TIFAB: variants seen among roughly 807,000 people sequenced by gnomAD.
The protein encoded by TIFAB is TIFA inhibitor, also known as TRAF-interacting protein with FHA domain-containing protein B.
For missense variants in TIFAB, 222 were observed against 203.6 expected, an observed-to-expected ratio of 1.09 and a Z score of -0.55; for synonymous variants, 116 against 95.2, an observed-to-expected ratio of 1.22 and a Z score of -1.27.
chr5:135,446,706 T>C lies in TIFAB; in HGVS notation c.*2748A>G. On this transcript the variant is annotated 3_prime_UTR_variant, in exon 2 of 2. Transcript: ENST00000537858. ...ACTGTGAACGGGTAGAGTCTGAAAC[T>C]ACAAACCAGATGTTTCCGGGCTCCC... is the stretch of plus-strand genomic sequence containing the variant. The C allele has an allele frequency of 6.2e-7, 1 of 1,613,758 alleles. No individual in the cohort carries two copies. The highest frequency in any genetic ancestry group is 8.5e-7 in the Non-Finnish European group (1 of 1,179,754).
In TIFAB at chr5:135,445,040, T is replaced by C. The variant is rs4976298; in HGVS notation, c.*4414A>G. On this transcript the variant is annotated 3_prime_UTR_variant, in exon 2 of 2. Coordinates refer to ENST00000537858, the MANE Select transcript of TIFAB (RefSeq NM_001099221.2). ...GAGAGAGGGGTCAGACTAGAACCTA[T>C]GGAGACTTGGTGGGCAACAGGCCTG... 0.18 allele frequency: 28,138 copies of C among 152,148 alleles called. 2,797 individuals are homozygous for C. The highest frequency in any genetic ancestry group is 0.29 in the Admixed American group (4,408 of 15,280). The allele number at this position is 152,148 out of a possible 1,614,324, so 9.4% of individuals were successfully genotyped here. A position where few individuals can be genotyped will look rare whatever the true frequency, so the allele number is the denominator to read the frequency against.
rs777415637 is a variant in TIFAB, at chr5:135,449,610, G to A, written c.330C>T (p.Ile110=). 3 of 1,614,224 alleles carry A rather than the reference G, an allele frequency of 1.9e-6. No homozygotes were observed. The South Asian group carries it at 3.3e-5, about 18-fold the overall frequency. The part of the protein sequence containing the change: ...STVNRVSFSG[I]QMLVRVEEGT... ...CTTCTTCTACGCGAACCAGCATCTG[G>A]ATGCCTGAGAAGGAGACCCTGTTGA... The change falls in exon 2 of 2, where the codon ATC becomes ATT. Residue 110 remains isoleucine, a synonymous_variant. Transcript: ENST00000537858.
chr5:135,448,925 G>A lies in TIFAB; in HGVS notation c.*529C>T, dbSNP rs1406240285. On this transcript the variant is annotated 3_prime_UTR_variant, in exon 2 of 2. Transcript: ENST00000537858. ...GCTTTCCTAAGCCCCGCGTGCCTGTGGGTATTTGAAAGCTGAAGGTAACCC... is the reference window on the plus strand; with the variant it reads ...GCTTTCCTAAGCCCCGCGTGCCTGTAGGTATTTGAAAGCTGAAGGTAACCC... 1 of 161,326 alleles carries A rather than the reference G, an allele frequency of 6.2e-6. No individual in the cohort carries two copies. The highest frequency in any genetic ancestry group is 2.4e-5 in the African/African-American group (1 of 41,616). The allele number at this position is 161,326 out of a possible 1,614,324, so 10.0% of individuals were successfully genotyped here.
In TIFAB at chr5:135,449,636, C is replaced by T. The variant is rs201107418; in HGVS notation, c.304G>A (p.Val102Ile). Residue 102 changes from valine (V) to isoleucine (I), a missense_variant, in exon 2 of 2, where the codon GTC (valine) becomes ATC (isoleucine). Transcript: ENST00000537858. The stretch of plus-strand genomic sequence containing the variant: ...ATGCCTGAGAAGGAGACCCTGTTGA[C>T]GGTGCTCAGGGGGACCTGCTCCAGG... The part of the protein sequence containing the change: ...RYLEQVPLST[V>I]NRVSFSGIQM... 2.6e-4 allele frequency: 417 copies of T among 1,614,208 alleles called. 3 individuals are homozygous for T. In the East Asian group the frequency reaches 8.8e-3, roughly 34 times the overall value.
At position 135,445,548 on chromosome 5, in the gene TIFAB, G is replaced by C. The variant is rs1769241144; in HGVS notation, c.*3906C>G. The C allele has an allele frequency of 6.6e-6, 1 of 152,448 alleles. No individual in the cohort carries two copies. Among genetic ancestry groups the C allele is most frequent in the Admixed American group, 6.5e-5 (1 of 15,284 alleles). The allele number at this position is 152,448 out of a possible 1,614,324, so 9.4% of individuals were successfully genotyped here. A position where few individuals can be genotyped will look rare whatever the true frequency, so the allele number is the denominator to read the frequency against. ...TAGTATCCAAGGGGACTGCTGCCTT[G>C]ACCACCAGAGCCCCCCCGTCTGTGC... is the stretch of plus-strand genomic sequence containing the variant. On this transcript the variant is annotated 3_prime_UTR_variant, in exon 2 of 2. Transcript: ENST00000537858.
chr5:135,447,927 T>A lies in TIFAB; in HGVS notation c.*1527A>T, dbSNP rs1476897464. 1 of 152,228 alleles carries A rather than the reference T, an allele frequency of 6.6e-6. No individual in the cohort carries two copies. The highest frequency in any genetic ancestry group is 2.4e-5 in the African/African-American group (1 of 41,432). The allele number at this position is 152,228 out of a possible 1,614,324, so 9.4% of individuals were successfully genotyped here. On this transcript the variant is annotated 3_prime_UTR_variant, in exon 2 of 2. Transcript: ENST00000537858. ...ACAGATCTGGCACAAGGTGGGTGCT[T>A]GGTGAAGGTTTGCTGAATGAATGAG... is the stretch of plus-strand genomic sequence containing the variant.
rs1769258425 is a variant in TIFAB at position 135,446,281 on chromosome 5, A to G, written c.*3173T>C. On this transcript the variant is annotated 3_prime_UTR_variant, in exon 2 of 2. Transcript: ENST00000537858. The stretch of plus-strand genomic sequence containing the variant: ...CTAACCCAGGCAGCAGTCTGACCAG[A>G]GGGCCCTAGCTGGGAGCAGCGTTCA... The G allele has an allele frequency of 6.9e-7, 1 of 1,459,698 alleles. No homozygotes were observed. Among genetic ancestry groups the G allele is most frequent in the Non-Finnish European group, 9.2e-7 (1 of 1,083,728 alleles). The allele number at this position is 1,459,698 out of a possible 1,614,324, so 90.4% of individuals were successfully genotyped here.
chr5:135,446,786 C>T lies in TIFAB; in HGVS notation c.*2668G>A. 1 of 1,613,932 alleles carries T rather than the reference C, an allele frequency of 6.2e-7. No homozygotes were observed. The highest frequency in any genetic ancestry group is 2.2e-5 in the East Asian group (1 of 44,882). On this transcript the variant is annotated 3_prime_UTR_variant, in exon 2 of 2. Coordinates refer to ENST00000537858, the MANE Select transcript of TIFAB (RefSeq NM_001099221.2). Reference sequence around the variant, plus strand: ...GCTGCTATGCAGTTCATCCTGGGTCCCTGAGGGCCTCGCAGATGCTTCACT... The same window carrying T: ...GCTGCTATGCAGTTCATCCTGGGTCTCTGAGGGCCTCGCAGATGCTTCACT...
rs762847819 is a variant in TIFAB at position 135,449,770 on chromosome 5, T to A, written c.170A>T (p.His57Leu). The A allele has an allele frequency of 6.8e-6, 11 of 1,612,792 alleles. No homozygotes were observed. The highest frequency in any genetic ancestry group is 8.5e-6 in the Non-Finnish European group (10 of 1,179,122). The stretch of plus-strand genomic sequence containing the variant: ...CTCCAGGTAGGGCTCCAGGGACAGG[T>A]GACGGCGGGAGAGGCGAGGGAGCTG... The part of the protein sequence containing the change: ...QLQLPRLSRR[H>L]LSLEPYLEKG... Residue 57 changes from histidine to leucine, a missense_variant, in exon 2 of 2, where the codon CAC (histidine) becomes CTC (leucine). Coordinates refer to ENST00000537858, the MANE Select transcript of TIFAB (RefSeq NM_001099221.2).
Position 135,446,515 on chromosome 5 carries a change from A to C in TIFAB, c.*2939T>G. On this transcript the variant is annotated 3_prime_UTR_variant, in exon 2 of 2. Coordinates refer to ENST00000537858, the MANE Select transcript of TIFAB (RefSeq NM_001099221.2). ...AGTGCGAAGACCAGGCCCTGAAGCC[A>C]GCCTGACGGTTCCAGCTGTTAGGAG... 1 of 1,614,026 alleles carries C rather than the reference A, an allele frequency of 6.2e-7. No homozygotes were observed. Among genetic ancestry groups the C allele is most frequent in the Non-Finnish European group, 8.5e-7 (1 of 1,179,888 alleles).
Position 135,449,466 on chromosome 5 carries a change from A to AGG in TIFAB, c.472_473dup (p.Gly159LeufsTer58). 1 of 1,613,742 alleles carries AGG rather than the reference A, an allele frequency of 6.2e-7. No individual in the cohort carries two copies. The highest frequency in any genetic ancestry group is 2.2e-5 in the East Asian group (1 of 44,886). On this transcript the variant is annotated frameshift_variant, in exon 2 of 2. Coordinates refer to ENST00000537858, the MANE Select transcript of TIFAB (RefSeq NM_001099221.2). LOFTEE classifies it high-confidence loss of function. ...CAACCTGGATCTGCTACCCTGAACCAGGGGGAGGCTGCCCCTGGGAGATGC... is the reference window on the plus strand; with the variant it reads ...CAACCTGGATCTGCTACCCTGAACCAGGGGGGGAGGCTGCCCCTGGGAGATGC...
Position 135,446,867 on chromosome 5 carries a change from A to G in TIFAB, c.*2587T>C. ...GAGGAATTGAACTGCCCCCTCTCGC[A>G]GGACCCCAGCTGGCAAGGTTTTGTT... On this transcript the variant is annotated 3_prime_UTR_variant, in exon 2 of 2. Coordinates refer to ENST00000537858, the MANE Select transcript of TIFAB (RefSeq NM_001099221.2). 1.2e-6 allele frequency: 2 copies of G among 1,613,882 alleles called. No individual in the cohort carries two copies. The highest frequency in any genetic ancestry group is 2.2e-5 in the East Asian group (1 of 44,872).
rs1421320659 is a variant in TIFAB at position 135,448,053 on chromosome 5, G to C, written c.*1401C>G. On this transcript the variant is annotated 3_prime_UTR_variant, in exon 2 of 2. Transcript: ENST00000537858. ...TTGTGGCTGTGATCTGAGTGTTTTT[G>C]CTTCATCCCTATTGGAGAGGAAGCT... 1 of 152,096 alleles carries C rather than the reference G, an allele frequency of 6.6e-6. No homozygotes were observed. Among genetic ancestry groups the C allele is most frequent in the African/African-American group, 2.4e-5 (1 of 41,380 alleles). The allele number at this position is 152,096 out of a possible 1,614,324, so 9.4% of individuals were successfully genotyped here.
rs142314555 is a variant in TIFAB, at chr5:135,447,038, T to C, written c.*2416A>G. On this transcript the variant is annotated 3_prime_UTR_variant, in exon 2 of 2. Transcript: ENST00000537858. ...CCCACCAGCTCCTCTCTCCAGTCTT[T>C]GGTGTCCAGGTACAGTCTCCAGGCC... The C allele has an allele frequency of 1.2e-6, 2 of 1,613,996 alleles. No individual in the cohort carries two copies. Among genetic ancestry groups the C allele is most frequent in the Non-Finnish European group, 1.7e-6 (2 of 1,179,882 alleles).
Position 135,446,796 on chromosome 5 carries a change from T to C in TIFAB, c.*2658A>G. 1 of 1,613,938 alleles carries C rather than the reference T, an allele frequency of 6.2e-7. No individual in the cohort carries two copies. Among genetic ancestry groups the C allele is most frequent in the Non-Finnish European group, 8.5e-7 (1 of 1,179,824 alleles). On this transcript the variant is annotated 3_prime_UTR_variant, in exon 2 of 2. Transcript: ENST00000537858. ...AGTTCATCCTGGGTCCCTGAGGGCC[T>C]CGCAGATGCTTCACTCGAAAGATTG... is the stretch of plus-strand genomic sequence containing the variant.
At position 135,449,326 on chromosome 5, in the gene TIFAB, C is replaced by G. The variant is rs1045778724; in HGVS notation, c.*128G>C. 249 of 1,303,726 alleles carry G rather than the reference C, an allele frequency of 1.9e-4. No homozygotes were observed. The highest frequency in any genetic ancestry group is 1.4e-3 in the Admixed American group (55 of 39,962). 80.8% of individuals were successfully genotyped at this position (1,303,726 alleles called of 1,614,324 possible). A position where few individuals can be genotyped will look rare whatever the true frequency, so the allele number is the denominator to read the frequency against. On this transcript the variant is annotated 3_prime_UTR_variant, in exon 2 of 2. Transcript: ENST00000537858. ...GCAAAGGCTTGCTCTAGTGGCAGGG[C>G]TAGCAGAGTGCACTGTCTGGGGGTT...
intron 1 of TIFAB, 75 bp downstream of exon 1, chr5:135,452,134 A>T (rs371553943): frequency 3.9e-5 from 6 of 152,214 alleles, no homozygotes; most frequent in African/African-American, 1.4e-4. Flanking sequence ...TGTGTGTCTC[A>T]GGGGAGCCCT....
Position 135,446,383 on chromosome 5 carries a change from C to A in TIFAB, c.*3071G>T. On this transcript the variant is annotated 3_prime_UTR_variant, in exon 2 of 2. Coordinates refer to ENST00000537858, the MANE Select transcript of TIFAB (RefSeq NM_001099221.2). ...GCACACGCACACATGTTCACTCAGG[C>A]ACGTGGGCTGCCCTGCGGTGGGAGC... The A allele has an allele frequency of 6.2e-7, 1 of 1,600,770 alleles. No homozygotes were observed. The highest frequency in any genetic ancestry group is 1.7e-5 in the Admixed American group (1 of 59,480).
Position 135,449,726 on chromosome 5 carries a change from C to T in TIFAB, c.214G>A (p.Ala72Thr), listed in dbSNP as rs1379079456. The T allele has an allele frequency of 6.2e-7, 1 of 1,614,046 alleles. No homozygotes were observed. Among genetic ancestry groups the T allele is most frequent in the South Asian group, 1.1e-5 (1 of 91,080 alleles). The change falls in exon 2 of 2, where the codon GCC becomes ACC. Residue 72 changes from alanine to threonine, a missense_variant. Ala to Thr is a moderately conservative substitution (Grantham distance 58). Coordinates refer to ENST00000537858, the MANE Select transcript of TIFAB (RefSeq NM_001099221.2). The stretch of plus-strand genomic sequence containing the variant: ...CGGCTCAGGGCCTTGAGGCAGAAGG[C>T]CAGCAGGGCACTGCCTTTCTCCAGG... ...PYLEKGSALLAFCLKALSRKG... is the reference protein window; with the variant it reads ...PYLEKGSALLTFCLKALSRKG...
Sources: gnomAD v4.1 joint callset for allele counts on GRCh38, gnomAD v4.1.1 for gene constraint, MANE v1.5 for transcripts, NCBI Gene and HGNC (gene_info 2026-07-23, HGNC 2026-07-21) for gene names.